ARHGAP15: variants seen among roughly 807,000 people sequenced by gnomAD.
The protein encoded by ARHGAP15 is rho GTPase-activating protein 15.
ARHGAP15 carries 51 observed loss-of-function variants against 63.7 expected under a neutral mutation model. That is an observed-to-expected ratio of 0.80 (90% CI 0.64 to 1.01). The LOEUF is 1.01. Among genes scored for constraint, ARHGAP15 ranks in the 50% least tolerant of loss-of-function variants. ARHGAP15 has a pLI of 0.00. For missense variants in ARHGAP15, 560 were observed against 564.6 expected (o/e 0.99, Z 0.08); for synonymous variants, 191 against 193.8 (o/e 0.99, Z 0.12).
intron 6 of ARHGAP15, among the ~76,000 whole-genome samples, chr2:143,333,059 G>A (rs928511113): frequency 1.3e-5 from 2 of 150,916 alleles, no homozygotes; most frequent in African/African-American, 4.9e-5. Context: ...AGCCTTCACT[G>A]GCAACCTGAC....
chr2:143,223,713 C>G (rs371513476), intron 4 of ARHGAP15, among the ~76,000 whole-genome samples: 31 of 152,142 alleles, frequency 2.0e-4, no homozygotes, highest in Non-Finnish European at 4.4e-4. Context: ...CCTTATCTCC[C>G]CCTCTTAGCT....
chr2:143,283,418 T>C (rs1681951164), intron 6 of ARHGAP15, among the ~76,000 whole-genome samples: 1 of 152,162 alleles, frequency 6.6e-6, no homozygotes. Context: ...GACAAAAATT[T>C]AGTTTTGGAT....
intron 5 of ARHGAP15, chr2:143,238,371 A>C (rs1693734391): frequency 6.6e-6 from 1 of 152,218 alleles, no homozygotes; most frequent in South Asian, 2.1e-4. Flanking sequence ...AACTCCATTA[A>C]AAAGTAGGCA....
intron 11 of ARHGAP15, among the ~76,000 whole-genome samples, chr2:143,606,171 G>A (rs16822706): frequency 0.011 from 1,605 of 146,954 alleles, 28 homozygotes; most frequent in African/African-American, 0.039. Context: ...CACAGGTATT[G>A]TTTACCAATT....
intron 2 of ARHGAP15, among the ~76,000 whole-genome samples, chr2:143,168,429 T>C (rs776376946): frequency 2.0e-4 from 30 of 152,102 alleles, no homozygotes; most frequent in Non-Finnish European, 4.0e-4. Flanking sequence ...TCCTCCCACC[T>C]TGGCCTTCCA....
At chr2:143,220,620 T>A (rs1692955352) in intron 4 of ARHGAP15, among the ~76,000 whole-genome samples, 1 of 152,098 alleles carries the variant, frequency 6.6e-6, no homozygotes, top group African/African-American at 2.4e-5. Context: ...ACCCAAGGAG[T>A]GTATATGCTT....
intron 6 of ARHGAP15, chr2:143,350,947 T>C (rs1448748579): frequency 1.3e-5 from 2 of 151,680 alleles, no homozygotes; most frequent in African/African-American, 4.9e-5. Flanking sequence ...TTATGTATCT[T>C]ACTGGTCTTT....
At chr2:143,412,131 G>T (rs1371577199) in intron 6 of ARHGAP15, among the ~76,000 whole-genome samples, 1 of 152,186 alleles carries the variant, frequency 6.6e-6, no homozygotes, top group Non-Finnish European at 1.5e-5. Flanking sequence ...ATCTTTTAAT[G>T]ATTGCTCTGT....
At chr2:143,546,242 T>TAAA (rs367559885) in intron 10 of ARHGAP15, among the ~76,000 whole-genome samples, 1 of 151,876 alleles carries the variant, frequency 6.6e-6, no homozygotes, top group African/African-American at 2.4e-5. Context: ...GTTTAGATGT[T>TAAA]AAAAAAAATA....
intron 6 of ARHGAP15, among the ~76,000 whole-genome samples, chr2:143,261,618 G>T (rs979968496): frequency 6.6e-6 from 1 of 151,952 alleles, no homozygotes; most frequent in Admixed American, 6.6e-5. Context: ...ATAGTGCTGG[G>T]ATTACAGGCC....
At chr2:143,238,813 A>G (rs146364908) in intron 5 of ARHGAP15, among the ~76,000 whole-genome samples, 7 of 152,230 alleles carry the variant, frequency 4.6e-5, no homozygotes. Flanking sequence ...TCAATGATAG[A>G]CTGGATAAAG....
intron 11 of ARHGAP15, among the ~76,000 whole-genome samples, chr2:143,621,042 C>A (rs989245133): frequency 4.6e-5 from 7 of 152,204 alleles, no homozygotes; most frequent in African/African-American, 1.7e-4. Context: ...ATGGACTTCA[C>A]TATAGTGGCT....
chr2:143,673,134 A>G (rs1407080274), intron 12 of ARHGAP15, among the ~76,000 whole-genome samples: 2 of 152,208 alleles, frequency 1.3e-5, no homozygotes, highest in Admixed American at 6.5e-5. Context: ...TTGGTAATAA[A>G]TTAAAAAAAA....
At chr2:143,607,826 C>T (rs1476105748) in intron 11 of ARHGAP15, 1 of 152,192 alleles carries the variant, frequency 6.6e-6, no homozygotes, top group Non-Finnish European at 1.5e-5. Flanking sequence ...ATGTTCTCCA[C>T]CCCACTGAAG....
At chr2:143,594,674 G>T (rs2105177389) in intron 11 of ARHGAP15, among the ~76,000 whole-genome samples, 1 of 152,146 alleles carries the variant, frequency 6.6e-6, no homozygotes, top group East Asian at 1.9e-4. Context: ...GGAAAAATAG[G>T]GGAAAAATTA....
At chr2:143,231,330 C>T (rs923694036) in intron 5 of ARHGAP15, among the ~76,000 whole-genome samples, 1 of 151,980 alleles carries the variant, frequency 6.6e-6, no homozygotes, top group African/African-American at 2.4e-5. Context: ...TAGTTTTGTA[C>T]TTGACCTGAT....
intron 1 of ARHGAP15, among the ~76,000 whole-genome samples, chr2:143,139,145 T>C (rs1469717168): frequency 6.6e-6 from 1 of 152,132 alleles, no homozygotes; most frequent in African/African-American, 2.4e-5. Context: ...TGATACTTCC[T>C]CTATGATATC....
At chr2:143,130,881 G>A (rs1199261101) in intron 1 of ARHGAP15, among the ~76,000 whole-genome samples, 2 of 152,088 alleles carry the variant, frequency 1.3e-5, no homozygotes, top group African/African-American at 2.4e-5. Flanking sequence ...CTGAACCTCT[G>A]CATCTATAGA....
At chr2:143,734,660 G>A (rs1302060438) in intron 13 of ARHGAP15, among the ~76,000 whole-genome samples, 1 of 152,088 alleles carries the variant, frequency 6.6e-6, no homozygotes, top group African/African-American at 2.4e-5. Flanking sequence ...GATGTTGCCT[G>A]GAATCAATTA....
Sources: gnomAD v4.1 joint callset for allele counts (sites outside exome capture counted in the v4.1 genomes callset) on GRCh38, gnomAD v4.1.1 for gene constraint, MANE v1.5 for transcripts, NCBI Gene and HGNC (gene_info 2026-07-23, HGNC 2026-07-21) for gene names.